The following TTN variants were observed in gnomAD, a reference collection of about 807,000 sequenced individuals.
TTN encodes the protein titin.
In TTN, 1,525 loss-of-function variants were observed where a neutral mutation model predicts 3,223.0. The observed-to-expected ratio is 0.47, with a 90% CI of 0.45 to 0.49. The LOEUF (loss-of-function observed/expected upper bound fraction) is 0.49. TTN is among the 20% of genes least tolerant of loss of function. TTN has a pLI of 0.00. For synonymous variants in TTN, 14,094 were observed against 15,161.0 expected, an observed-to-expected ratio of 0.93 and a Z score of 5.17; for missense variants, 40,786 against 43,424.0, an observed-to-expected ratio of 0.94 and a Z score of 5.40.
Position 178,618,325 on chromosome 2 carries a change from T to C in TTN, c.47133A>G (p.Ala15711=), listed in dbSNP as rs573218266. 7.1e-5 allele frequency: 114 copies of C among 1,612,586 alleles called. No individual in the cohort carries two copies. The highest frequency in any genetic ancestry group is 8.7e-5 in the Non-Finnish European group (102 of 1,179,146). The part of the protein sequence containing the change: ...RKTWVLATDR[A]ESCEFTVTGL... ...CAGTGACAGTAAACTCACAACTCTC[T>C]GCACGGTCTGTGGCCAGAACCCAGG... The change falls in exon 252 of 363, where the codon GCA becomes GCG. Residue 15711 remains alanine, a synonymous_variant. Transcript: ENST00000589042.
Position 178,530,387 on chromosome 2 carries a change from G to A in TTN, c.106228C>T (p.Pro35410Ser). ...TESTVTRKTE[P>S]KAPEPISSKP... ...GAGGAAATTGGTTCAGGAGCTTTTG[G>A]TTCAGTTTTTCTGGTTACTGTTGAC... The change falls in exon 358 of 363, where the codon CCA becomes TCA. Residue 35410 changes from proline to serine, a missense_variant. Transcript: ENST00000589042. The A allele has an allele frequency of 1.2e-6, 2 of 1,613,900 alleles. No individual in the cohort carries two copies. The highest frequency in any genetic ancestry group is 1.3e-5 in the African/African-American group (1 of 75,020).
In TTN at chr2:178,611,737, T is replaced by A. The variant is rs774042634; in HGVS notation, c.50551+21A>T. 2.5e-6 allele frequency: 4 copies of A among 1,611,204 alleles called. No individual in the cohort carries two copies. In the East Asian group the frequency reaches 8.9e-5, roughly 36 times the overall value. On this transcript the variant is annotated intron_variant, in intron 268 of 362. Coordinates refer to ENST00000589042, the MANE Select transcript of TTN (RefSeq NM_001267550.2). ...TCATCAAGTTCTAGACAATATCTTG[T>A]GTATAATCAGCACTACTTACTTGTT... is the stretch of plus-strand genomic sequence containing the variant.
Position 178,616,737 on chromosome 2 carries a change from T to A in TTN, c.48152A>T (p.Asn16051Ile). ...VKTISGEIDV[N>I]VIARPSAPKE... ...AATGTTTTGTTCCTTACCAATTACA[T>A]TGACATCAATTTCCCCAGAAATTGT... Residue 16051 changes from asparagine to isoleucine, a missense_variant, in exon 256 of 363, where the codon AAT becomes ATT. By Grantham distance (149) the Asn-to-Ile change is moderately radical. Coordinates refer to ENST00000589042, the MANE Select transcript of TTN (RefSeq NM_001267550.2). 3 of 1,612,572 alleles carry A rather than the reference T, an allele frequency of 1.9e-6. No individual in the cohort carries two copies. In the South Asian group the frequency reaches 3.3e-5, roughly 18 times the overall value.
Position 178,535,353 on chromosome 2 carries a change from T to C in TTN, c.101262A>G (p.Gly33754=), listed in dbSNP as rs374878689. Residue 33754 remains glycine (G), a synonymous_variant, in exon 358 of 363, where the codon GGA becomes GGG. Transcript: ENST00000589042. ...ETRYTVINLF[G]KTSYQFRVIA... ...TTACCCGGAACTGGTAACTTGTTTT[T>C]CCAAATAAGTTGATCACGGTATAAC... 663 of 1,613,802 alleles carry C rather than the reference T, an allele frequency of 4.1e-4. No homozygotes were observed. The highest frequency in any genetic ancestry group is 5.2e-4 in the Non-Finnish European group (612 of 1,179,846).
At position 178,633,742 on chromosome 2, in the gene TTN, G is replaced by A. The variant is rs1369568790; in HGVS notation, c.42683-66C>T. 7.5e-6 allele frequency: 12 copies of A among 1,604,868 alleles called. No homozygotes were observed. The East Asian group carries it at 1.8e-4, about 24-fold the overall frequency. On this transcript the variant is annotated intron_variant, in intron 231 of 362. Transcript: ENST00000589042. ...ATTAAAGTTTATTAAAGAGTAAAAG[G>A]TTGCAAAATATTTTATTACTCCCCA...
chr2:178,534,861 A>C lies in TTN; in HGVS notation c.101754T>G (p.Ser33918Arg), dbSNP rs952080555. 2 of 1,608,686 alleles carry C rather than the reference A, an allele frequency of 1.2e-6. No individual in the cohort carries two copies. The highest frequency in any genetic ancestry group is 3.3e-5 in the Admixed American group (2 of 60,020). ...AFELNEREIV[S>R]YVHQVCEALQ... ...GTGCTTCACAGACCTGGTGAACATAACTTACAATTTCTCTTTCATTAAGTT... is the reference window on the plus strand; with the variant it reads ...GTGCTTCACAGACCTGGTGAACATACCTTACAATTTCTCTTTCATTAAGTT... The change falls in exon 358 of 363, where the codon AGT (serine) becomes AGG (arginine). Residue 33918 changes from serine to arginine, a missense_variant. Ser to Arg is a moderately radical substitution (Grantham distance 110). Coordinates refer to ENST00000589042, the MANE Select transcript of TTN (RefSeq NM_001267550.2).
At position 178,580,420 on chromosome 2, in the gene TTN, C is replaced by A; in HGVS notation, c.66959G>T (p.Arg22320Leu). The change falls in exon 317 of 363, where the codon CGC becomes CTC. Residue 22320 changes from arginine to leucine, a missense_variant. Coordinates refer to ENST00000589042, the MANE Select transcript of TTN (RefSeq NM_001267550.2). ...IKSTDFDTFLRCENVNKYDAG... is the reference protein window; with the variant it reads ...IKSTDFDTFLLCENVNKYDAG... Reference sequence around the variant, plus strand: ...ATCATATTTGTTCACATTTTCACAGCGCAAGAAAGTGTCAAAGTCAGTTGA... The same window carrying A: ...ATCATATTTGTTCACATTTTCACAGAGCAAGAAAGTGTCAAAGTCAGTTGA... 2 of 1,613,180 alleles carry A rather than the reference C, an allele frequency of 1.2e-6. No individual in the cohort carries two copies. Among genetic ancestry groups the A allele is most frequent in the Non-Finnish European group, 1.7e-6 (2 of 1,179,444 alleles).
At position 178,608,730 on chromosome 2, in the gene TTN, A is replaced by G. The variant is rs760939368; in HGVS notation, c.52281T>C (p.His17427=). Residue 17427 remains histidine (H), a synonymous_variant, in exon 274 of 363, where the codon CAT becomes CAC. Transcript: ENST00000589042. ...TCAGTTTTGTTACTGAATATTTGCA[A>G]TGTCTAAGTGTTGAAGTGACAACAA... ...EWIVVTSTLR[H]CKYSVTKLIE... is the part of the protein sequence containing the mutation. The G allele has an allele frequency of 4.3e-6, 7 of 1,612,478 alleles. No individual in the cohort carries two copies. The highest frequency in any genetic ancestry group is 1.3e-5 in the African/African-American group (1 of 74,830).
intron 240 of TTN, among the ~76,000 whole-genome samples, chr2:178,628,138 AT>A (rs2059314887): frequency 6.6e-6 from 1 of 152,068 alleles, no homozygotes; most frequent in Non-Finnish European, 1.5e-5. Flanking sequence ...GGCGTTACCT[AT>A]CAGATGACTG....
intron 242 of TTN, among the ~76,000 whole-genome samples, chr2:178,624,036 T>C (rs1240540923): frequency 6.6e-6 from 1 of 151,932 alleles, no homozygotes; most frequent in African/African-American, 2.4e-5. Flanking sequence ...TTCATGCTCA[T>C]TTTCTAGTTG....
chr2:178,690,760 G>C (rs1046585110), intron 121 of TTN, among the ~76,000 whole-genome samples: 3 of 152,008 alleles, frequency 2.0e-5, no homozygotes, highest in African/African-American at 7.2e-5. Context: ...ATTTATATAT[G>C]TATATGTTAT....
In TTN at chr2:178,636,655, T is replaced by C; in HGVS notation, c.41072A>G (p.Asp13691Gly). The change falls in exon 225 of 363, where the codon GAC becomes GGC. Residue 13691 changes from aspartate (D) to glycine (G), a missense_variant. Physicochemically the swap from Asp to Gly is moderately conservative, Grantham distance 94. Coordinates refer to ENST00000589042, the MANE Select transcript of TTN (RefSeq NM_001267550.2). The surrounding 1 kb of genome is among the most constrained non-coding windows in gnomAD (Gnocchi z 4.3). ...VPLKFVKEIK[D>G]IILTESEFVG... is the part of the protein sequence containing the mutation. The stretch of plus-strand genomic sequence containing the variant: ...GAACTCTGATTCTGTCAAGATGATG[T>C]CTTTGATTTCTTTCACAAACTTCAG... 6.2e-7 allele frequency: 1 copy of C among 1,613,344 alleles called. No homozygotes were observed. Among genetic ancestry groups the C allele is most frequent in the Non-Finnish European group, 8.5e-7 (1 of 1,179,556 alleles).
chr2:178,629,192 A>C, intron 240 of TTN, 109 bp downstream of exon 240: 2 of 1,400,994 alleles, frequency 1.4e-6, no homozygotes, highest in Non-Finnish European at 1.9e-6. Context: ...AGAGAAAGGC[A>C]AAGACAGAGG....
chr2:178,747,622 C>A, intron 47 of TTN: 1 of 1,613,260 alleles, frequency 6.2e-7, no homozygotes, highest in South Asian at 1.1e-5. Flanking sequence ...CAAGCTTTGC[C>A]TGGTCTCTGG....
Position 178,771,372 on chromosome 2 carries a change from C to A in TTN, c.7955G>T (p.Trp2652Leu). Residue 2652 changes from tryptophan to leucine, a missense_variant, in exon 34 of 363, where the codon TGG becomes TTG. By Grantham distance (61) the Trp-to-Leu change is moderately conservative. Coordinates refer to ENST00000589042, the MANE Select transcript of TTN (RefSeq NM_001267550.2). ...TGGTAGGTGTTTGCCATCCCTCAAC[C>A]ATTCGCCTTTGGAATCTGGGTTGGC... ...EVANPDSKGE[W>L]LRDGKHLPLT... 6.2e-7 allele frequency: 1 copy of A among 1,614,058 alleles called. No homozygotes were observed. The highest frequency in any genetic ancestry group is 1.1e-5 in the South Asian group (1 of 91,078).
chr2:178,674,993 AGAC>A lies in TTN; in HGVS notation c.34612+43_34612+45del, dbSNP rs555629141. The stretch of plus-strand genomic sequence containing the variant: ...CTACTTCAAATATTAGACAATAATA[AGAC>A]AAGGATGACTTTGAAATGTTATTTT... On this transcript the variant is annotated intron_variant, in intron 150 of 362. Coordinates refer to ENST00000589042, the MANE Select transcript of TTN (RefSeq NM_001267550.2). The A allele has an allele frequency of 7.5e-6, 9 of 1,196,984 alleles. No homozygotes were observed. In the East Asian group the frequency reaches 2.5e-4, roughly 33 times the overall value. 74.1% of individuals were successfully genotyped at this position (1,196,984 alleles called of 1,614,324 possible).
chr2:178,619,720 T>C lies in TTN; in HGVS notation c.46597A>G (p.Ile15533Val). 1 of 1,612,452 alleles carries C rather than the reference T, an allele frequency of 6.2e-7. No homozygotes were observed. Among genetic ancestry groups the C allele is most frequent in the South Asian group, 1.1e-5 (1 of 91,026 alleles). ...DKHQMMSEGK[I>V]HRLQICDIKP... is the part of the protein sequence containing the mutation. Reference sequence around the variant, plus strand: ...ATATCACAAATCTGTAGTCGATGTATCTTTCCTTCACTCATCATCTGGTGT... The same window carrying C: ...ATATCACAAATCTGTAGTCGATGTACCTTTCCTTCACTCATCATCTGGTGT... The change falls in exon 250 of 363, where the codon ATA becomes GTA. Residue 15533 changes from isoleucine to valine, a missense_variant. By Grantham distance (29) the Ile-to-Val change is conservative. Transcript: ENST00000589042.
rs760734881 is a variant in TTN at position 178,751,628 on chromosome 2, G to A, written c.11311+1496C>T. On this transcript the variant is annotated intron_variant, in intron 47 of 362. Transcript: ENST00000589042. ...TTGGATAACAAGCAATGATGCAGTTGATTCTGCAGACCCTTCACTATTAAT... is the reference window on the plus strand; with the variant it reads ...TTGGATAACAAGCAATGATGCAGTTAATTCTGCAGACCCTTCACTATTAAT... 4 of 1,613,184 alleles carry A rather than the reference G, an allele frequency of 2.5e-6. No individual in the cohort carries two copies. In the Admixed American group the frequency reaches 6.7e-5, roughly 27 times the overall value.
rs1311231359 is a variant in TTN, at chr2:178,611,592, A to G, written c.50637T>C (p.Asn16879=). 3.7e-6 allele frequency: 6 copies of G among 1,612,774 alleles called. No homozygotes were observed. The highest frequency in any genetic ancestry group is 2.2e-5 in the East Asian group (1 of 44,690). Residue 16879 remains asparagine (N), a synonymous_variant, in exon 269 of 363, where the codon AAT becomes AAC. Transcript: ENST00000589042. ...IAIAWKPPEK[N]GGSPIIGYHV... Reference sequence around the variant, plus strand: ...GGTATCCTATGATAGGACTTCCACCATTTTTCTCTGGAGGCTTCCAAGCAA... The same window carrying G: ...GGTATCCTATGATAGGACTTCCACCGTTTTTCTCTGGAGGCTTCCAAGCAA...
Sources: allele counts gnomAD v4.1 joint callset (sites outside exome capture counted in the v4.1 genomes callset), GRCh38; gene constraint gnomAD v4.1.1; non-coding constraint Gnocchi (gnomAD v3.1); transcripts MANE v1.5; gene names NCBI Gene and HGNC (gene_info 2026-07-23, HGNC 2026-07-21).